Variants in PIP4P2 observed in about 807,000 individuals in gnomAD.
The protein encoded by PIP4P2 is type 2 phosphatidylinositol 4,5-bisphosphate 4-phosphatase.
PIP4P2 carries 19 observed loss-of-function variants against 33.3 expected under a neutral mutation model. The ratio of observed to expected loss-of-function variants is 0.57; its 90% CI spans 0.40 to 0.84. The LOEUF is 0.84. PIP4P2 is among the 40% of genes least tolerant of loss of function. The pLI is 0.00. For missense variants in PIP4P2, 270 were observed against 324.7 expected (o/e 0.83, Z 1.29); for synonymous variants, 110 against 111.9 (o/e 0.98, Z 0.11).
intron 5 of PIP4P2, among the ~76,000 whole-genome samples, chr8:91,008,239 A>T (rs1253085713): frequency 6.6e-6 from 1 of 152,134 alleles, no homozygotes; most frequent in East Asian, 1.9e-4. Flanking sequence ...TTATATTGTC[A>T]TTATTTTCAT....
intron 1 of PIP4P2, among the ~76,000 whole-genome samples, chr8:91,034,735 T>C (rs563769975): frequency 6.6e-6 from 1 of 152,334 alleles, no homozygotes; most frequent in Admixed American, 6.5e-5. Context: ...GAGAATTTAA[T>C]CTAGTCTTAC....
intron 4 of PIP4P2, among the ~76,000 whole-genome samples, chr8:91,018,094 C>G (rs1001855057): frequency 1.3e-5 from 2 of 152,166 alleles, no homozygotes; most frequent in African/African-American, 4.8e-5. Flanking sequence ...GGCTAAGACT[C>G]AGCTGCTCCC....
At chr8:91,033,931 C>T (rs749067564) in intron 1 of PIP4P2, among the ~76,000 whole-genome samples, 4 of 152,126 alleles carry the variant, frequency 2.6e-5, no homozygotes, top group Admixed American at 6.5e-5. Flanking sequence ...AGGCATGAGC[C>T]GCAGTGCCCA....
chr8:91,021,305 C>G lies in PIP4P2; in HGVS notation c.206G>C (p.Gly69Ala), dbSNP rs1419980810. 1.4e-5 allele frequency: 23 copies of G among 1,613,800 alleles called. No homozygotes were observed. Among genetic ancestry groups the G allele is most frequent in the Non-Finnish European group, 1.9e-5 (22 of 1,179,810 alleles). The change falls in exon 2 of 7, where the codon GGC (glycine) becomes GCC (alanine). Residue 69 changes from glycine to alanine, a missense_variant. Gly to Ala is a moderately conservative substitution (Grantham distance 60, BLOSUM62 0). Transcript: ENST00000285419. ...CTTAACCACATGCTGGTGAAGCTTG[C>G]CATCCAAATTGATTAGTGATTGGCA... ...RVCQSLINLD[G>A]KLHQHVVKCT...
intron 1 of PIP4P2, among the ~76,000 whole-genome samples, chr8:91,035,577 C>T (rs1272533130): frequency 6.6e-6 from 1 of 152,186 alleles, no homozygotes; most frequent in Non-Finnish European, 1.5e-5. Flanking sequence ...CTTCCTCTCC[C>T]TAGTCATTAA....
In PIP4P2 at chr8:91,020,182, G is replaced by T. The variant is rs994312870; in HGVS notation, c.337C>A (p.Arg113=). The T allele has an allele frequency of 1.2e-6, 2 of 1,613,612 alleles. No individual in the cohort carries two copies. Among genetic ancestry groups the T allele is most frequent in the Non-Finnish European group, 1.7e-6 (2 of 1,179,736 alleles). ...CLLICKDTSR[R]IGCPRPNCRR... ...CAGTTGGGTCTTGGGCATCCTATTC[G>T]CCGAGATGTGTCCTTACAAATGAGA... Residue 113 remains arginine, a synonymous_variant, in exon 3 of 7, where the codon CGA becomes AGA. Coordinates refer to ENST00000285419, the MANE Select transcript of PIP4P2 (RefSeq NM_018710.3).
chr8:91,014,956 T>C (rs186549529), intron 4 of PIP4P2, among the ~76,000 whole-genome samples: 1 of 152,176 alleles, frequency 6.6e-6, no homozygotes, highest in South Asian at 2.1e-4. Flanking sequence ...GAAGTATTGA[T>C]TGCAAATTCT....
intron 4 of PIP4P2, among the ~76,000 whole-genome samples, chr8:91,015,094 A>G (rs1811896106): frequency 6.6e-6 from 1 of 152,112 alleles, no homozygotes; most frequent in Non-Finnish European, 1.5e-5. Flanking sequence ...ATAAAAAGTC[A>G]CTCTAAAAAC....
Position 91,021,393 on chromosome 8 carries a change from G to A in PIP4P2, c.118C>T (p.Pro40Ser), listed in dbSNP as rs1192451532. Residue 40 changes from proline (P) to serine (S), a missense_variant, in exon 2 of 7, where the codon CCT becomes TCT. Physicochemically the swap from Pro to Ser is moderately conservative, Grantham distance 74. Coordinates refer to ENST00000285419, the MANE Select transcript of PIP4P2 (RefSeq NM_018710.3). ...QESSPRAELP[P>S]PYTAIASPDA... Reference sequence around the variant, plus strand: ...GGACTGGCAATGGCTGTATATGGAGGTGGGAGCTCCGCTGAAAAGATATTA... The same window carrying A: ...GGACTGGCAATGGCTGTATATGGAGATGGGAGCTCCGCTGAAAAGATATTA... 1 of 1,613,612 alleles carries A rather than the reference G, an allele frequency of 6.2e-7. No individual in the cohort carries two copies. Among genetic ancestry groups the A allele is most frequent in the South Asian group, 1.1e-5 (1 of 91,054 alleles).
At chr8:91,029,298 G>GA (rs374113834) in intron 1 of PIP4P2, among the ~76,000 whole-genome samples, 53 of 136,312 alleles carry the variant, frequency 3.9e-4, no homozygotes, top group Admixed American at 1.0e-3. Context: ...CTCAAAAAAA[G>GA]AAAAAAAAAA....
chr8:91,028,108 T>C (rs1212267385), intron 1 of PIP4P2, among the ~76,000 whole-genome samples: 1 of 152,174 alleles, frequency 6.6e-6, no homozygotes, highest in Non-Finnish European at 1.5e-5. Flanking sequence ...GAAGAAGTAG[T>C]GGATATTACA....
At chr8:91,021,444 ATTACTATGGCTGG>A (rs1042796084) in intron 1 of PIP4P2, 40 bp from the exon 2 acceptor site, 2 of 1,604,046 alleles carry the variant, frequency 1.2e-6, no homozygotes, top group African/African-American at 2.7e-5. Context: ...TCTTGGAGAA[ATTACTATGGCTGG>A]TTTGAGTATA....
chr8:91,027,201 C>T (rs1054589156), intron 1 of PIP4P2, among the ~76,000 whole-genome samples: 1 of 152,218 alleles, frequency 6.6e-6, no homozygotes, highest in African/African-American at 2.4e-5. Flanking sequence ...TCAAGTTTCT[C>T]ATTGAAAGTT....
At chr8:91,018,103 C>G (rs1811944771) in intron 4 of PIP4P2, among the ~76,000 whole-genome samples, 1 of 152,048 alleles carries the variant, frequency 6.6e-6, no homozygotes, top group African/African-American at 2.4e-5. Context: ...TCAGCTGCTC[C>G]CCAAGCCAAG....
intron 1 of PIP4P2, among the ~76,000 whole-genome samples, chr8:91,037,633 C>T (rs1215597794): frequency 6.6e-6 from 1 of 152,168 alleles, no homozygotes; most frequent in Non-Finnish European, 1.5e-5. Flanking sequence ...ACAGATTTGG[C>T]TGGTACTCAA....
At chr8:91,018,312 T>C in intron 4 of PIP4P2, 78 bp downstream of exon 4, 1 of 1,581,632 alleles carries the variant, frequency 6.3e-7, no homozygotes. Flanking sequence ...GACAAAACTA[T>C]AAGACTATGA....
At chr8:91,005,983 C>T (rs1304431090) in intron 5 of PIP4P2, among the ~76,000 whole-genome samples, 2 of 152,148 alleles carry the variant, frequency 1.3e-5, no homozygotes, top group Admixed American at 6.5e-5. Context: ...GAGAAAATGC[C>T]CCTCAGTCTT....
At chr8:91,029,365 C>T (rs918937892) in intron 1 of PIP4P2, among the ~76,000 whole-genome samples, 2 of 152,024 alleles carry the variant, frequency 1.3e-5, no homozygotes, top group African/African-American at 4.8e-5. Context: ...CCCACTGTAG[C>T]AAGCAGGGGT....
chr8:91,009,085 G>T (rs1811798506), intron 4 of PIP4P2, among the ~76,000 whole-genome samples: 1 of 152,094 alleles, frequency 6.6e-6, no homozygotes, highest in African/African-American at 2.4e-5. Flanking sequence ...TGTTCAGTAA[G>T]TCTCAGTTCA....
Sources: allele counts gnomAD v4.1 joint callset (sites outside exome capture counted in the v4.1 genomes callset), GRCh38; gene constraint gnomAD v4.1.1; transcripts MANE v1.5; gene names NCBI Gene and HGNC (gene_info 2026-07-23, HGNC 2026-07-21).